The following PTPRU variants were observed in gnomAD, a reference collection of about 807,000 sequenced individuals.
PTPRU encodes the protein receptor-type tyrosine-protein phosphatase U.
A neutral mutation model predicts 166.3 loss-of-function variants in PTPRU; 69 were observed. The observed-to-expected ratio is 0.41, with a 90% CI of 0.34 to 0.51. The LOEUF (loss-of-function observed/expected upper bound fraction) is 0.51. Ranked by LOEUF, PTPRU falls within the 20% of genes least tolerant of loss-of-function variation. PTPRU has a pLI of 0.09. For missense variants in PTPRU, 1,657 were observed against 2,013.7 expected (o/e 0.82, Z 3.39); for synonymous variants, 793 against 814.0 (o/e 0.97, Z 0.44).
chr1:29,278,752 A>G (rs1222984436), intron 8 of PTPRU, among the ~76,000 whole-genome samples: 1 of 152,228 alleles, frequency 6.6e-6, no homozygotes, highest in African/African-American at 2.4e-5. Context: ...AATGCCAGCT[A>G]TCCATTTTGA....
At position 29,284,722 on chromosome 1, in the gene PTPRU, T is replaced by A. The variant is rs751422624; in HGVS notation, c.2180-9T>A. 1.9e-6 allele frequency: 3 copies of A among 1,613,904 alleles called. No homozygotes were observed. In the African/African-American group the frequency reaches 4.0e-5, roughly 22 times the overall value. The stretch of plus-strand genomic sequence containing the variant: ...CCTCTGATCCCTTGTTCTGCTTTGT[T>A]CTCCCCAGCTGCCTGCAAGGAAAGC... On this transcript the variant is annotated splice_polypyrimidine_tract_variant and intron_variant, in intron 13 of 29. Transcript: ENST00000373779.
At chr1:29,268,137 G>A (rs1330077322) in intron 7 of PTPRU, among the ~76,000 whole-genome samples, 1 of 152,194 alleles carries the variant, frequency 6.6e-6, no homozygotes, top group African/African-American at 2.4e-5. Flanking sequence ...TGTTGGAAAT[G>A]TTGACTTCGA....
chr1:29,304,935 G>A, intron 17 of PTPRU, 86 bp downstream of exon 17: 1 of 1,309,162 alleles, frequency 7.6e-7, no homozygotes, highest in African/African-American at 1.5e-5. Context: ...AGCTGGGGCA[G>A]CCTCAGAGAT....
rs202191002 is a variant in PTPRU at position 29,311,774 on chromosome 1, C to T, written c.3072+15C>T. 1.2e-3 allele frequency: 1,959 copies of T among 1,606,996 alleles called. 3 individuals are homozygous for T. Among genetic ancestry groups the T allele is most frequent in the Middle Eastern group, 1.8e-3 (11 of 6,040 alleles). ...CCCTGGAGCGGGTGAGTCTCCCCACCGCCTGTTCCCTGCAGAGGGTGCCTG... is the reference window on the plus strand; with the variant it reads ...CCCTGGAGCGGGTGAGTCTCCCCACTGCCTGTTCCCTGCAGAGGGTGCCTG... On this transcript the variant is annotated intron_variant, in intron 21 of 29. Coordinates refer to ENST00000373779, the MANE Select transcript of PTPRU (RefSeq NM_133178.4). This position sits in a 1 kb window ranked among gnomAD's most constrained non-coding sequence, Gnocchi z 4.1.
chr1:29,268,101 G>A (rs561180854), intron 7 of PTPRU, among the ~76,000 whole-genome samples: 12 of 152,342 alleles, frequency 7.9e-5, no homozygotes, highest in African/African-American at 2.9e-4. Flanking sequence ...CTGATTTGAC[G>A]TGGGTGTCAT....
intron 18 of PTPRU, among the ~76,000 whole-genome samples, chr1:29,308,123 C>CT (rs1164936935): frequency 6.6e-6 from 1 of 151,730 alleles, no homozygotes; most frequent in Non-Finnish European, 1.5e-5. Flanking sequence ...AATTTGATTT[C>CT]TTTTTTCTTT....
At chr1:29,264,894 A>G (rs928821841) in intron 7 of PTPRU, among the ~76,000 whole-genome samples, 2 of 152,312 alleles carry the variant, frequency 1.3e-5, no homozygotes, top group African/African-American at 4.8e-5. Context: ...TTCATTCAGC[A>G]TAGTTTCCTT....
At position 29,320,926 on chromosome 1, in the gene PTPRU, C is replaced by A; in HGVS notation, c.3828+101C>A. The A allele has an allele frequency of 7.6e-7, 1 of 1,307,852 alleles. No homozygotes were observed. Among genetic ancestry groups the A allele is most frequent in the Non-Finnish European group, 1.0e-6 (1 of 978,276 alleles). The allele number at this position is 1,307,852 out of a possible 1,614,324, so 81.0% of individuals were successfully genotyped here. A position where few individuals can be genotyped will look rare whatever the true frequency, so the allele number is the denominator to read the frequency against. Reference sequence around the variant, plus strand: ...AGCCAAAAGTTGGGTCCCAGCTCTGCCATCTATTTATTGTGTGATGAATCA... The same window carrying A: ...AGCCAAAAGTTGGGTCCCAGCTCTGACATCTATTTATTGTGTGATGAATCA... On this transcript the variant is annotated intron_variant, in intron 26 of 29. Coordinates refer to ENST00000373779, the MANE Select transcript of PTPRU (RefSeq NM_133178.4). This position sits in a 1 kb window ranked among gnomAD's most constrained non-coding sequence, Gnocchi z 5.2.
At chr1:29,325,132 C>T (rs1014015082) in intron 28 of PTPRU, 59 bp from the exon 29 acceptor site, 1 of 1,605,734 alleles carries the variant, frequency 6.2e-7, no homozygotes, top group South Asian at 1.1e-5. Context: ...GTTCCCTGGC[C>T]CTTTTCTTAC....
chr1:29,259,648 T>C, intron 5 of PTPRU, 84 bp downstream of exon 5: 2 of 1,372,514 alleles, frequency 1.5e-6, no homozygotes, highest in Non-Finnish European at 2.0e-6. Flanking sequence ...CCCAGATTGC[T>C]GAGTCCCTGC....
intron 1 of PTPRU, among the ~76,000 whole-genome samples, chr1:29,243,326 C>T (rs1684141472): frequency 6.6e-6 from 1 of 152,216 alleles, no homozygotes. Context: ...AACCCAAACC[C>T]TAGCATAGCA....
Position 29,283,665 on chromosome 1 carries a change from G to T in PTPRU, c.2143-275G>T, listed in dbSNP as rs1465006388. On this transcript the variant is annotated intron_variant, in intron 12 of 29. Coordinates refer to ENST00000373779, the MANE Select transcript of PTPRU (RefSeq NM_133178.4). ...AGCTGGACCTCTGGCCCTAGGCCTC[G>T]CCCCGATGCCCGAGGCCCCGCCCAT... 4 of 488,470 alleles carry T rather than the reference G, an allele frequency of 8.2e-6. No individual in the cohort carries two copies. In the East Asian group the frequency reaches 1.1e-4, roughly 13 times the overall value. The allele number at this position is 488,470 out of a possible 1,614,324, so 30.3% of individuals were successfully genotyped here.
At chr1:29,305,203 G>A (rs1687330949) in intron 17 of PTPRU, 149 bp from the exon 18 acceptor site, 1 of 722,842 alleles carries the variant, frequency 1.4e-6, no homozygotes, top group Non-Finnish European at 2.3e-6. Context: ...GCCTCCCATG[G>A]TGCCCAGAGA....
At chr1:29,307,850 T>C (rs921122261) in intron 18 of PTPRU, among the ~76,000 whole-genome samples, 1 of 145,706 alleles carries the variant, frequency 6.9e-6, no homozygotes, top group African/African-American at 2.5e-5. Flanking sequence ...AACCTCTGCC[T>C]CCTGGGTTCA....
chr1:29,307,036 C>T, intron 18 of PTPRU: 1 of 1,427,056 alleles, frequency 7.0e-7, no homozygotes, highest in South Asian at 1.2e-5. Flanking sequence ...ATCGCCCATT[C>T]TGGCCACTCC....
Position 29,260,895 on chromosome 1 carries a change from A to C in PTPRU, c.1136A>C (p.Lys379Thr), listed in dbSNP as rs72649292. The C allele has an allele frequency of 2.4e-3, 3,702 of 1,571,406 alleles. 8 individuals are homozygous for C. The highest frequency in any genetic ancestry group is 3.1e-3 in the Admixed American group (174 of 56,190). ...RPGPPLISRT[K>T]CAEPMRAPKG... ...GGGCCACCCCTCATCAGCCGCACCA[A>C]ATGCGCAGGTGGGTGCAGCAGCTAC... The change falls in exon 7 of 30, where the codon AAA becomes ACA. Residue 379 changes from lysine (K) to threonine (T), a missense_variant. Physicochemically the swap from Lys to Thr is moderately conservative, Grantham distance 78. Coordinates refer to ENST00000373779, the MANE Select transcript of PTPRU (RefSeq NM_133178.4). The surrounding 1 kb of genome is among the most constrained non-coding windows in gnomAD (Gnocchi z 8.3).
intron 1 of PTPRU, among the ~76,000 whole-genome samples, chr1:29,251,820 C>T (rs1204916975): frequency 6.6e-6 from 1 of 152,196 alleles, no homozygotes; most frequent in Non-Finnish European, 1.5e-5. Flanking sequence ...TCCTGGGCTT[C>T]CCTTTCTGGC....
chr1:29,304,129 C>A, intron 16 of PTPRU, 84 bp downstream of exon 16: 2 of 1,472,778 alleles, frequency 1.4e-6, no homozygotes, highest in Non-Finnish European at 9.2e-7. Flanking sequence ...CCTGGCAACC[C>A]TCAGCCTAGT....
chr1:29,249,971 T>C (rs1684478236), intron 1 of PTPRU, among the ~76,000 whole-genome samples: 2 of 152,164 alleles, frequency 1.3e-5, no homozygotes, highest in Non-Finnish European at 2.9e-5. Context: ...ATAGCTCCCA[T>C]GGCTTTAGCC....
Sources: allele counts gnomAD v4.1 joint callset (sites outside exome capture counted in the v4.1 genomes callset), GRCh38; gene constraint gnomAD v4.1.1; non-coding constraint Gnocchi (gnomAD v3.1); transcripts MANE v1.5; gene names NCBI Gene and HGNC (gene_info 2026-07-23, HGNC 2026-07-21).